Variants in FOXP1 observed in about 807,000 individuals in gnomAD.
FOXP1 encodes forkhead box P1.
In FOXP1, 15 loss-of-function variants were observed where a neutral mutation model predicts 98.2. The ratio of observed to expected loss-of-function variants is 0.15; its 90% CI spans 0.10 to 0.24. The LOEUF is 0.24. Among genes scored for constraint, FOXP1 ranks in the 10% least tolerant of loss-of-function variants. The pLI is 1.00. For missense variants in FOXP1, 633 were observed against 848.5 expected, an observed-to-expected ratio of 0.75 and a Z score of 3.15; for synonymous variants, 371 against 314.5, an observed-to-expected ratio of 1.18 and a Z score of -1.90.
At chr3:71,583,377 G>A (rs1486591741) in intron 1 of FOXP1, 194 bp downstream of exon 1, 1 of 836,048 alleles carries the variant, frequency 1.2e-6, no homozygotes, top group Non-Finnish European at 1.4e-6. Flanking sequence ...GAGGAAGAGA[G>A]GGGAGGGCTG....
chr3:71,487,236 C>A (rs1284318751), intron 3 of FOXP1, among the ~76,000 whole-genome samples: 3 of 152,114 alleles, frequency 2.0e-5, no homozygotes, highest in Non-Finnish European at 4.4e-5. Flanking sequence ...AATAAACTAC[C>A]TAACAAGTCA....
At chr3:71,384,519 C>T (rs1301901177) in intron 3 of FOXP1, among the ~76,000 whole-genome samples, 2 of 152,200 alleles carry the variant, frequency 1.3e-5, no homozygotes, top group Non-Finnish European at 2.9e-5. Context: ...TTATTAGAAT[C>T]TCAAAAGTCA....
intron 3 of FOXP1, among the ~76,000 whole-genome samples, chr3:71,406,277 G>A (rs191788596): frequency 7.9e-5 from 12 of 151,982 alleles, no homozygotes; most frequent in Admixed American, 6.5e-4. Context: ...TCCTTCCAGT[G>A]GAGAATCTGC....
intron 3 of FOXP1, among the ~76,000 whole-genome samples, chr3:71,403,709 A>T (rs9840310): frequency 6.6e-6 from 1 of 151,892 alleles, no homozygotes; most frequent in Non-Finnish European, 1.5e-5. Context: ...AAAATAGCCC[A>T]ATGTGGTGGC....
chr3:71,066,443 T>A (rs2052522254), intron 7 of FOXP1, among the ~76,000 whole-genome samples: 1 of 152,150 alleles, frequency 6.6e-6, no homozygotes, highest in Non-Finnish European at 1.5e-5. Flanking sequence ...CCCCACCCTC[T>A]CATGAATATT....
In FOXP1 at chr3:71,112,920, G is replaced by A. The variant is rs1046324724; in HGVS notation, c.181-283C>T. Among the ~76,000 whole-genome samples, 27 of 152,278 alleles carry A rather than the reference G, an allele frequency of 1.8e-4. 1 individual carries two copies. In the East Asian group the frequency reaches 2.9e-3, roughly 16 times the overall value. On this transcript the variant is annotated intron_variant, in intron 6 of 20. Coordinates refer to ENST00000649528, the MANE Select transcript of FOXP1 (RefSeq NM_001349338.3). ...TGACATGAAATTTAAGACCATGAGT[G>A]ATTGAGACTCTGAACAAAGATGACA...
intron 4 of FOXP1, among the ~76,000 whole-genome samples, chr3:71,340,759 A>C (rs1453188981): frequency 6.6e-6 from 1 of 152,108 alleles, no homozygotes; most frequent in African/African-American, 2.4e-5. Context: ...AAAGCCACCA[A>C]TCCCTCATCT....
In FOXP1 at chr3:71,051,601, C is replaced by T. The variant is rs146177785; in HGVS notation, c.510+936G>A. 1.3e-3 allele frequency among the ~76,000 whole-genome samples: 200 copies of T among 152,260 alleles called. 3 individuals are homozygous for T. Among genetic ancestry groups the T allele is most frequent in the African/African-American group, 4.6e-3 (191 of 41,544 alleles). ...AGAAGCTGTTAAAGTGGATGAGGTG[C>T]TGTATATAGAATTATAAATTGTGTC... On this transcript the variant is annotated intron_variant, in intron 9 of 20. Coordinates refer to ENST00000649528, the MANE Select transcript of FOXP1 (RefSeq NM_001349338.3).
intron 3 of FOXP1, among the ~76,000 whole-genome samples, chr3:71,444,188 C>T (rs940249707): frequency 2.6e-5 from 4 of 152,172 alleles, no homozygotes; most frequent in African/African-American, 9.7e-5. Context: ...GGCCTACTTC[C>T]CTATTTTCAA....
At chr3:71,458,463 G>A (rs1445231445) in intron 3 of FOXP1, among the ~76,000 whole-genome samples, 2 of 152,050 alleles carry the variant, frequency 1.3e-5, no homozygotes, top group Non-Finnish European at 2.9e-5. Context: ...CCCCAAACAA[G>A]CATCAGATCA....
rs1373793229 is a variant in FOXP1 at position 71,054,666 on chromosome 3, A to G, written c.283-893T>C. Among the ~76,000 whole-genome samples, 3 of 152,318 alleles carry G rather than the reference A, an allele frequency of 2.0e-5. No homozygotes were observed. In the South Asian group the frequency reaches 6.2e-4, roughly 32 times the overall value. ...CAAAATAATCACTGCACTTGTGTTT[A>G]ATTTGCAGACTACATGAGACCCATT... On this transcript the variant is annotated intron_variant, in intron 7 of 20. Coordinates refer to ENST00000649528, the MANE Select transcript of FOXP1 (RefSeq NM_001349338.3).
rs181618964 is a variant in FOXP1 at position 71,073,667 on chromosome 3, C to T, written c.283-19894G>A. Among the ~76,000 whole-genome samples, 4 of 152,206 alleles carry T rather than the reference C, an allele frequency of 2.6e-5. No individual in the cohort carries two copies. The East Asian group carries it at 7.7e-4, about 29-fold the overall frequency. On this transcript the variant is annotated intron_variant, in intron 7 of 20. Coordinates refer to ENST00000649528, the MANE Select transcript of FOXP1 (RefSeq NM_001349338.3). ...GATAGATGTTTCTGTTATTATTTTC[C>T]GAGGGGGTGTCAACTTCTAAATTAA...
chr3:71,320,222 C>T (rs1458648196), intron 4 of FOXP1, among the ~76,000 whole-genome samples: 2 of 152,068 alleles, frequency 1.3e-5, no homozygotes, highest in Non-Finnish European at 2.9e-5. Context: ...TGCTTACCCA[C>T]GCACATCCCA....
intron 5 of FOXP1, among the ~76,000 whole-genome samples, chr3:71,295,580 C>G (rs534457287): frequency 6.6e-6 from 1 of 151,956 alleles, no homozygotes; most frequent in East Asian, 1.9e-4. Context: ...AAAAACTGAA[C>G]CAATACACAA....
intron 4 of FOXP1, chr3:71,332,159 G>C (rs1282258983): frequency 6.6e-6 from 1 of 152,264 alleles, no homozygotes; most frequent in Non-Finnish European, 1.5e-5. Flanking sequence ...CTCACTCTTT[G>C]GGTCCACACT....
rs895234528 is a variant in FOXP1, at chr3:70,956,007, A to T, written c.*3240T>A. ...AATATTCTTAAAGCAAGGATAACTA[A>T]ATAAAATACATGTGCAGCATATTCT... On this transcript the variant is annotated 3_prime_UTR_variant, in exon 21 of 21. Coordinates refer to ENST00000649528, the MANE Select transcript of FOXP1 (RefSeq NM_001349338.3). 5 of 233,138 alleles carry T rather than the reference A, an allele frequency of 2.1e-5. No individual in the cohort carries two copies. In the Admixed American group the frequency reaches 2.2e-4, roughly 10 times the overall value. 14.4% of individuals were successfully genotyped at this position (233,138 alleles called of 1,614,324 possible). A position where few individuals can be genotyped will look rare whatever the true frequency, so the allele number is the denominator to read the frequency against.
chr3:71,318,224 G>A (rs536846715), intron 4 of FOXP1, among the ~76,000 whole-genome samples: 4 of 151,126 alleles, frequency 2.6e-5, no homozygotes, highest in Non-Finnish European at 5.9e-5. Context: ...AGAGTTTCAG[G>A]GACAGAAGGA....
intron 2 of FOXP1, among the ~76,000 whole-genome samples, chr3:71,559,544 C>T (rs1014113700): frequency 6.6e-6 from 1 of 152,116 alleles, no homozygotes; most frequent in Non-Finnish European, 1.5e-5. Context: ...AAGGCTGTTA[C>T]GTTACCTACT....
At chr3:71,178,424 G>A (rs921479473) in intron 6 of FOXP1, among the ~76,000 whole-genome samples, 2 of 151,902 alleles carry the variant, frequency 1.3e-5, no homozygotes, top group Non-Finnish European at 2.9e-5. Flanking sequence ...GTGAGCCATC[G>A]CGCCCGGCCA....
Sources: gnomAD v4.1 joint callset for allele counts (sites outside exome capture counted in the v4.1 genomes callset) on GRCh38, gnomAD v4.1.1 for gene constraint, MANE v1.5 for transcripts, NCBI Gene and HGNC (gene_info 2026-07-23, HGNC 2026-07-21) for gene names.